The following EPHB1 variants were observed in gnomAD, a reference collection of about 807,000 sequenced individuals.
The protein encoded by EPHB1 is ephrin type-B receptor 1.
In EPHB1, 30 loss-of-function variants were observed where a neutral mutation model predicts 94.4. The ratio of observed to expected loss-of-function variants is 0.32; its 90% CI spans 0.24 to 0.43. The LOEUF (loss-of-function observed/expected upper bound fraction) is 0.43. Among genes scored for constraint, EPHB1 ranks in the 20% least tolerant of loss-of-function variants. The pLI, the probability that EPHB1 is intolerant of heterozygous loss-of-function variation, is 1.00. For synonymous variants in EPHB1, 522 were observed against 489.1 expected (o/e 1.07, Z -0.89); for missense variants, 1,055 against 1,308.3 (o/e 0.81, Z 2.99).
At position 135,053,025 on chromosome 3, in the gene EPHB1, G is replaced by GTATATATATATA. The variant is rs1389207071; in HGVS notation, c.806-53422_806-53421insATATATATATAT. On this transcript the variant is annotated intron_variant, in intron 3 of 15. Coordinates refer to ENST00000398015, the MANE Select transcript of EPHB1 (RefSeq NM_004441.5). Reference sequence around the variant, plus strand: ...TGTGTGTATATATATGTGTGTGTGTGTGTATATATATATATATATATATAT... The same window carrying GTATATATATATA: ...TGTGTGTATATATATGTGTGTGTGTGTATATATATATATGTATATATATATATATATATATAT... 7.7e-3 allele frequency among the ~76,000 whole-genome samples: 696 copies of GTATATATATATA among 90,536 alleles called. 25 individuals carry two copies. The highest frequency in any genetic ancestry group is 0.014 in the African/African-American group (275 of 19,328). The allele number at this position is 90,536 out of a possible 152,430, so 59.4% of individuals were successfully genotyped here.
At chr3:134,877,884 A>G (rs1451755830) in intron 1 of EPHB1, among the ~76,000 whole-genome samples, 1 of 152,186 alleles carries the variant, frequency 6.6e-6, no homozygotes, top group Non-Finnish European at 1.5e-5. Flanking sequence ...CTAGACCTTC[A>G]GCAAGAGGAG....
At chr3:135,187,036 T>C (rs369324761) in intron 10 of EPHB1, among the ~76,000 whole-genome samples, 1 of 152,198 alleles carries the variant, frequency 6.6e-6, no homozygotes, top group Admixed American at 6.5e-5. Flanking sequence ...AACAAGTTCC[T>C]AGGTGATACT....
At chr3:135,053,793 C>A in intron 3 of EPHB1, among the ~76,000 whole-genome samples, 1 of 152,046 alleles carries the variant, frequency 6.6e-6, no homozygotes, top group East Asian at 1.9e-4. Flanking sequence ...TTGAGAACAG[C>A]CCAAGCAACA....
chr3:134,925,708 G>C, intron 1 of EPHB1, 108 bp from the exon 2 acceptor site: 2 of 885,000 alleles, frequency 2.3e-6, no homozygotes, highest in Non-Finnish European at 3.4e-6. Context: ...CCTCCTTGTA[G>C]TACTGTCATT....
rs912955754 is a variant in EPHB1, at chr3:135,124,566, C to T, written c.962-8148C>T. ...CTGCTCAATTGGTAGTCCATTACAACACTCCTATGGGTTGCTGTGATCATC... is the reference window on the plus strand; with the variant it reads ...CTGCTCAATTGGTAGTCCATTACAATACTCCTATGGGTTGCTGTGATCATC... On this transcript the variant is annotated intron_variant, in intron 4 of 15. Coordinates refer to ENST00000398015, the MANE Select transcript of EPHB1 (RefSeq NM_004441.5). Among the ~76,000 whole-genome samples, 9 of 151,718 alleles carry T rather than the reference C, an allele frequency of 5.9e-5. No individual in the cohort carries two copies. The South Asian group carries it at 1.9e-3, about 32-fold the overall frequency.
intron 1 of EPHB1, among the ~76,000 whole-genome samples, chr3:134,922,933 C>T (rs1340917485): frequency 6.6e-6 from 1 of 152,232 alleles, no homozygotes; most frequent in Non-Finnish European, 1.5e-5. Flanking sequence ...GTTTCAGGCC[C>T]ACCTGGCGGA....
At chr3:135,054,068 CACAT>C (rs1937278203) in intron 3 of EPHB1, among the ~76,000 whole-genome samples, 1 of 150,978 alleles carries the variant, frequency 6.6e-6, no homozygotes, top group African/African-American at 2.5e-5. Flanking sequence ...CACACACACA[CACAT>C]AGCATTATTT....
At chr3:135,075,346 C>T (rs535598992) in intron 3 of EPHB1, among the ~76,000 whole-genome samples, 5 of 152,186 alleles carry the variant, frequency 3.3e-5, no homozygotes, top group South Asian at 2.1e-4. Context: ...GCCTGGGAAT[C>T]GATAGCCAGA....
intron 10 of EPHB1, among the ~76,000 whole-genome samples, chr3:135,182,894 A>T (rs1026444879): frequency 1.6e-4 from 25 of 152,160 alleles, no homozygotes; most frequent in Non-Finnish European, 4.4e-5. Flanking sequence ...CCATAGTAGA[A>T]GTATTTACAT....
rs184871051 is a variant in EPHB1 at position 135,106,693 on chromosome 3, C to A, written c.961+90C>A. The A allele has an allele frequency of 4.2e-4, 636 of 1,515,170 alleles. No homozygotes were observed. The African/African-American group carries it at 7.5e-3, about 18-fold the overall frequency. The allele number at this position is 1,515,170 out of a possible 1,614,324, so 93.9% of individuals were successfully genotyped here. A position where few individuals can be genotyped will look rare whatever the true frequency, so the allele number is the denominator to read the frequency against. On this transcript the variant is annotated intron_variant, in intron 4 of 15. Coordinates refer to ENST00000398015, the MANE Select transcript of EPHB1 (RefSeq NM_004441.5). Reference sequence around the variant, plus strand: ...TGGGGCAAGGAAGAGAAGACATCATCCTTTGATCCCAGGGCAAAGCAGAAT... The same window carrying A: ...TGGGGCAAGGAAGAGAAGACATCATACTTTGATCCCAGGGCAAAGCAGAAT...
At chr3:134,966,149 T>G (rs1178605961) in intron 3 of EPHB1, among the ~76,000 whole-genome samples, 1 of 152,212 alleles carries the variant, frequency 6.6e-6, no homozygotes, top group Non-Finnish European at 1.5e-5. Context: ...TTCACTCTCC[T>G]CCTTCTCTCT....
intron 3 of EPHB1, among the ~76,000 whole-genome samples, chr3:135,019,356 G>A (rs1935912573): frequency 1.3e-5 from 2 of 152,190 alleles, no homozygotes; most frequent in Admixed American, 6.5e-5. Context: ...GACTCTGGGG[G>A]CCAAAGGGGA....
At chr3:134,967,647 C>G (rs1216174402) in intron 3 of EPHB1, among the ~76,000 whole-genome samples, 3 of 152,170 alleles carry the variant, frequency 2.0e-5, no homozygotes, top group African/African-American at 7.2e-5. Flanking sequence ...AAGGCCCTCA[C>G]CAGATGTAGC....
intron 3 of EPHB1, among the ~76,000 whole-genome samples, chr3:135,097,168 G>GTTTTTTTT (rs145129220): frequency 9.6e-6 from 1 of 104,562 alleles, no homozygotes; most frequent in Non-Finnish European, 1.8e-5. Context: ...TTTTTTCTTT[G>GTTTTTTTT]TTTTTTTTTT....
chr3:134,825,364 G>A (rs762191332), intron 1 of EPHB1, among the ~76,000 whole-genome samples: 1 of 152,240 alleles, frequency 6.6e-6, no homozygotes, highest in Non-Finnish European at 1.5e-5. Flanking sequence ...ACCTAAGTGT[G>A]CAGAACTGTT....
At chr3:135,062,719 A>G (rs534005401) in intron 3 of EPHB1, among the ~76,000 whole-genome samples, 1 of 152,140 alleles carries the variant, frequency 6.6e-6, no homozygotes, top group East Asian at 1.9e-4. Context: ...CTTTGTTTTC[A>G]TTGCATTTGC....
chr3:135,226,071 C>T (rs1292847677), intron 12 of EPHB1, among the ~76,000 whole-genome samples: 1 of 152,234 alleles, frequency 6.6e-6, no homozygotes, highest in Non-Finnish European at 1.5e-5. Flanking sequence ...CCCCAGCTTA[C>T]CCCCAAGTGG....
intron 1 of EPHB1, among the ~76,000 whole-genome samples, chr3:134,862,014 A>G (rs2037272809): frequency 6.6e-6 from 1 of 152,194 alleles, no homozygotes; most frequent in African/African-American, 2.4e-5. Flanking sequence ...GCAGCCTCCC[A>G]TGAAGGCCTT....
chr3:135,232,550 T>G (rs917538394), intron 12 of EPHB1, among the ~76,000 whole-genome samples: 2 of 152,240 alleles, frequency 1.3e-5, no homozygotes, highest in East Asian at 3.8e-4. Flanking sequence ...TTTATCTCAA[T>G]TTGCCCTCCA....
Sources: gnomAD v4.1 joint callset for allele counts (sites outside exome capture counted in the v4.1 genomes callset) on GRCh38, gnomAD v4.1.1 for gene constraint, MANE v1.5 for transcripts, NCBI Gene and HGNC (gene_info 2026-07-23, HGNC 2026-07-21) for gene names.